The following MGAT4C variants were observed in gnomAD, a reference collection of about 807,000 sequenced individuals.
MGAT4C encodes alpha-1,3-mannosyl-glycoprotein 4-beta-N-acetylglucosaminyltransferase C.
Under a neutral mutation model 40.1 loss-of-function variants are expected in MGAT4C, and 19 were observed. That is an observed-to-expected ratio of 0.47 (90% confidence interval 0.33 to 0.70). MGAT4C has a LOEUF of 0.70. MGAT4C is among the 30% of genes least tolerant of loss of function. MGAT4C has a pLI of 0.02. For missense variants in MGAT4C, 491 were observed against 563.2 expected, an observed-to-expected ratio of 0.87 and a Z score of 1.30; for synonymous variants, 181 against 187.1, an observed-to-expected ratio of 0.97 and a Z score of 0.27.
chr12:86,694,928 A>T (rs1950229623), intron 2 of MGAT4C, among the ~76,000 whole-genome samples: 1 of 152,184 alleles, frequency 6.6e-6, no homozygotes, highest in African/African-American at 2.4e-5. Flanking sequence ...GGATCACATC[A>T]AATTAAAAGG....
intron 1 of MGAT4C, among the ~76,000 whole-genome samples, chr12:86,218,532 C>A (rs2135980528): frequency 6.6e-6 from 1 of 152,108 alleles, no homozygotes; most frequent in South Asian, 2.1e-4. Flanking sequence ...ATAAGTAATG[C>A]TAAACCTTTT....
chr12:86,177,027 C>T (rs909380028), intron 1 of MGAT4C, among the ~76,000 whole-genome samples: 2 of 151,676 alleles, frequency 1.3e-5, no homozygotes, highest in South Asian at 2.1e-4. Context: ...TGACCCATTG[C>T]CATTTCACTA....
chr12:86,619,943 T>C (rs1017661179), intron 2 of MGAT4C, among the ~76,000 whole-genome samples: 1 of 152,172 alleles, frequency 6.6e-6, no homozygotes, highest in Non-Finnish European at 1.5e-5. Flanking sequence ...AAAAGTGATA[T>C]GTAATTGTTG....
In MGAT4C at chr12:86,536,919, A is replaced by G. The variant is rs545154932; in HGVS notation, c.-228-101654T>C. On this transcript the variant is annotated intron_variant, in intron 2 of 7. Coordinates refer to the MGAT4C transcript ENST00000548651. The stretch of plus-strand genomic sequence containing the variant: ...TGCTGCTATAAAGACACATGCACAT[A>G]TATGTTTATTGAGGCACTATTCACA... Among the ~76,000 whole-genome samples, 179 of 152,316 alleles carry G rather than the reference A, an allele frequency of 1.2e-3. 2 individuals are homozygous for G. The highest frequency in any genetic ancestry group is 0.01 in the Middle Eastern group (3 of 294).
chr12:86,238,406 A>C (rs773798808), intron 1 of MGAT4C, among the ~76,000 whole-genome samples: 2 of 152,004 alleles, frequency 1.3e-5, no homozygotes, highest in Non-Finnish European at 2.9e-5. Context: ...AAGTTTACAA[A>C]ATCATAAAAA....
intron 1 of MGAT4C, among the ~76,000 whole-genome samples, chr12:86,057,633 G>T (rs2136991063): frequency 6.6e-6 from 1 of 152,130 alleles, no homozygotes; most frequent in East Asian, 1.9e-4. Context: ...TCTCTTCTTG[G>T]GACTTCAATT....
At chr12:86,500,197 A>G (rs982453077) in intron 2 of MGAT4C, among the ~76,000 whole-genome samples, 1 of 151,954 alleles carries the variant, frequency 6.6e-6, no homozygotes, top group African/African-American at 2.4e-5. Context: ...ATGTATACAT[A>G]TATGTGTATT....
At chr12:86,145,518 T>G (rs939224040) in intron 1 of MGAT4C, among the ~76,000 whole-genome samples, 1 of 152,200 alleles carries the variant, frequency 6.6e-6, no homozygotes, top group Admixed American at 6.5e-5. Flanking sequence ...GACCTAATTA[T>G]ATTTTTATGT....
chr12:86,493,541 G>T (rs529387062), intron 2 of MGAT4C, among the ~76,000 whole-genome samples: 2 of 151,204 alleles, frequency 1.3e-5, no homozygotes, highest in African/African-American at 4.9e-5. Flanking sequence ...GTAAACTATC[G>T]CAAGGACAAA....
intron 4 of MGAT4C, among the ~76,000 whole-genome samples, chr12:86,321,778 C>G (rs889923100): frequency 6.6e-6 from 1 of 152,096 alleles, no homozygotes; most frequent in African/African-American, 2.4e-5. Context: ...GTTGGTGGGA[C>G]TGTAAACTAG....
At chr12:86,193,398 T>C (rs928866366) in intron 1 of MGAT4C, among the ~76,000 whole-genome samples, 20 of 151,768 alleles carry the variant, frequency 1.3e-4, no homozygotes, top group African/African-American at 4.8e-4. Context: ...TTTATTTTTA[T>C]TTTTTCCTAA....
intron 1 of MGAT4C, among the ~76,000 whole-genome samples, chr12:86,128,105 T>C (rs1223268771): frequency 6.6e-6 from 1 of 152,206 alleles, no homozygotes. Flanking sequence ...ACCATTATCA[T>C]AGCCAACACA....
intron 1 of MGAT4C, among the ~76,000 whole-genome samples, chr12:86,794,232 G>A (rs1952074611): frequency 6.6e-6 from 1 of 151,550 alleles, no homozygotes; most frequent in South Asian, 2.1e-4. Context: ...GTGGGTGACT[G>A]TATGTTCTTT....
intron 1 of MGAT4C, among the ~76,000 whole-genome samples, chr12:86,802,188 T>C (rs570337535): frequency 1.3e-5 from 2 of 152,068 alleles, no homozygotes; most frequent in South Asian, 4.1e-4. Flanking sequence ...AGAGTGAGTA[T>C]TTTAATAACC....
chr12:86,532,013 T>C (rs1218944304), intron 2 of MGAT4C, among the ~76,000 whole-genome samples: 1 of 152,004 alleles, frequency 6.6e-6, no homozygotes, highest in African/African-American at 2.4e-5. Flanking sequence ...TTCTAAATAC[T>C]CAAACTTCTA....
intron 1 of MGAT4C, among the ~76,000 whole-genome samples, chr12:86,218,420 C>A (rs1950753361): frequency 6.6e-6 from 1 of 151,968 alleles, no homozygotes; most frequent in Admixed American, 6.6e-5. Context: ...CAAATGGGTC[C>A]TTGAGACACC....
intron 2 of MGAT4C, among the ~76,000 whole-genome samples, chr12:86,463,840 A>T (rs547055483): frequency 2.0e-5 from 3 of 152,088 alleles, no homozygotes; most frequent in Non-Finnish European, 4.4e-5. Context: ...TCTACTGGGG[A>T]TATTGTCTAA....
chr12:86,217,681 AT>A (rs1338401307), intron 1 of MGAT4C, among the ~76,000 whole-genome samples: 9 of 152,196 alleles, frequency 5.9e-5, no homozygotes, highest in African/African-American at 2.2e-4. Flanking sequence ...ATGTTGCTTA[AT>A]TTTTAAAAAA....
At chr12:86,557,411 T>C (rs1959662556) in intron 2 of MGAT4C, among the ~76,000 whole-genome samples, 1 of 152,152 alleles carries the variant, frequency 6.6e-6, no homozygotes, top group Non-Finnish European at 1.5e-5. Flanking sequence ...AGATAACATC[T>C]AGTGGTCTGA....
Sources: allele counts gnomAD v4.1 joint callset (sites outside exome capture counted in the v4.1 genomes callset), GRCh38; gene constraint gnomAD v4.1.1; transcripts MANE v1.5; gene names NCBI Gene and HGNC (gene_info 2026-07-23, HGNC 2026-07-21).